Variants in PLCG2 observed in about 807,000 individuals in gnomAD.
The protein encoded by PLCG2 is phospholipase C gamma 2, also known as 1-phosphatidylinositol 4,5-bisphosphate phosphodiesterase gamma-2.
In PLCG2, 69 loss-of-function variants were observed where a neutral mutation model predicts 175.6. That is an observed-to-expected ratio of 0.39 (90% CI 0.32 to 0.48). The LOEUF (loss-of-function observed/expected upper bound fraction) is 0.48, where lower values mean the gene tolerates loss of function less well. Among genes scored for constraint, PLCG2 ranks in the 20% least tolerant of loss-of-function variants. The probability of loss-of-function intolerance (pLI) is 0.91; values close to 1 mark genes in which losing one functional copy is unlikely to be tolerated. For synonymous variants in PLCG2, 827 were observed against 624.0 expected, an observed-to-expected ratio of 1.33 and a Z score of -4.85; for missense variants, 1,798 against 1,650.9, an observed-to-expected ratio of 1.09 and a Z score of -1.54.
intron 2 of PLCG2, among the ~76,000 whole-genome samples, chr16:81,837,822 A>G (rs910518382): frequency 1.3e-5 from 2 of 152,138 alleles, no homozygotes; most frequent in African/African-American, 4.8e-5. Context: ...ATTATCCCCA[A>G]TGGTAATATC....
chr16:81,958,113 A>C lies in PLCG2; in HGVS notation c.*115A>C. The C allele has an allele frequency of 1.3e-6, 1 of 757,494 alleles. No homozygotes were observed. Among genetic ancestry groups the C allele is most frequent in the Non-Finnish European group, 2.4e-6 (1 of 424,600 alleles). The allele number at this position is 757,494 out of a possible 1,614,324, so 46.9% of individuals were successfully genotyped here. A position where few individuals can be genotyped will look rare whatever the true frequency, so the allele number is the denominator to read the frequency against. ...GCTAATCTGTGACATCTTTTCTTCAAGCCTGCCATCAAGGACATTTCTTAA... is the reference window on the plus strand; with the variant it reads ...GCTAATCTGTGACATCTTTTCTTCACGCCTGCCATCAAGGACATTTCTTAA... On this transcript the variant is annotated 3_prime_UTR_variant, in exon 33 of 33. Coordinates refer to ENST00000564138, the MANE Select transcript of PLCG2 (RefSeq NM_002661.5).
Position 81,865,162 on chromosome 16 carries a change from C to T in PLCG2, c.480-4052C>T, listed in dbSNP as rs1907167304. 2.0e-5 allele frequency among the ~76,000 whole-genome samples: 3 copies of T among 152,272 alleles called. No individual in the cohort carries two copies. The South Asian group carries it at 6.2e-4, about 32-fold the overall frequency. On this transcript the variant is annotated intron_variant, in intron 5 of 32. Coordinates refer to ENST00000564138, the MANE Select transcript of PLCG2 (RefSeq NM_002661.5). ...GCTGTCCTGAATTGAGACTAGAGGG[C>T]CAGGCCTTTGTTCCCTTGCGTGGAC...
intron 25 of PLCG2, among the ~76,000 whole-genome samples, chr16:81,933,813 G>A (rs768135978): frequency 1.6e-4 from 25 of 152,200 alleles, no homozygotes; most frequent in Non-Finnish European, 3.7e-4. Flanking sequence ...AGGCCCAACA[G>A]GGTTGCCTGC....
In PLCG2 at chr16:81,818,127, G is replaced by A. The variant is rs115315772; in HGVS notation, c.193+31945G>A. 3.4e-3 allele frequency among the ~76,000 whole-genome samples: 516 copies of A among 152,274 alleles called. 4 individuals are homozygous for A. The highest frequency in any genetic ancestry group is 0.012 in the African/African-American group (483 of 41,564). On this transcript the variant is annotated intron_variant, in intron 2 of 32. Transcript: ENST00000564138. The stretch of plus-strand genomic sequence containing the variant: ...ACAACACCTACTTTACAGGGCTCTC[G>A]TGAGTATTCAGCCAGCTAGTGTGTT...
intron 24 of PLCG2, 22 bp downstream of exon 24, chr16:81,928,646 G>T: frequency 6.4e-7 from 1 of 1,553,444 alleles, no homozygotes. Context: ...CATCATCTTA[G>T]CCTGGATTTC....
chr16:81,957,875 A>C (rs761747151), intron 32 of PLCG2, 81 bp from the exon 33 acceptor site: 2 of 1,257,486 alleles, frequency 1.6e-6, no homozygotes, highest in East Asian at 4.6e-5. Flanking sequence ...GCAAATGTAC[A>C]GAAAGAGAAA....
intron 2 of PLCG2, among the ~76,000 whole-genome samples, chr16:81,814,286 C>T (rs916742545): frequency 6.6e-6 from 1 of 152,148 alleles, no homozygotes; most frequent in Admixed American, 6.6e-5. Context: ...AGGGGACCTG[C>T]CTGTTTTAGC....
At chr16:81,815,674 A>T (rs1904511623) in intron 2 of PLCG2, among the ~76,000 whole-genome samples, 1 of 151,708 alleles carries the variant, frequency 6.6e-6, no homozygotes, top group African/African-American at 2.4e-5. Flanking sequence ...ATCCTGCCTG[A>T]TTTTTTCCAG....
intron 2 of PLCG2, among the ~76,000 whole-genome samples, chr16:81,833,803 C>T (rs549811753): frequency 6.6e-6 from 1 of 152,256 alleles, no homozygotes; most frequent in South Asian, 2.1e-4. Flanking sequence ...CTGCCTTGGC[C>T]TCCCAAAGTG....
intron 31 of PLCG2, among the ~76,000 whole-genome samples, chr16:81,950,607 T>C (rs1482893670): frequency 6.6e-6 from 1 of 152,208 alleles, no homozygotes; most frequent in African/African-American, 2.4e-5. Context: ...ATAAATTTGA[T>C]TGCATTCGTT....
upstream of PLCG2, among the ~76,000 whole-genome samples, chr16:81,777,697 T>C (rs1910457935): frequency 6.6e-6 from 1 of 151,974 alleles, no homozygotes; most frequent in South Asian, 2.1e-4. Flanking sequence ...ACATTGACAG[T>C]GAGAGTGATA....
At chr16:81,751,056 C>T (rs1015611315) in intron 1 of PLCG2, among the ~76,000 whole-genome samples, 1 of 138,528 alleles carries the variant, frequency 7.2e-6, no homozygotes, top group Admixed American at 7.8e-5. Context: ...TCTTGGCTCA[C>T]TACAACCTCC....
intron 1 of PLCG2, among the ~76,000 whole-genome samples, chr16:81,782,814 T>C (rs1215318174): frequency 6.6e-6 from 1 of 152,134 alleles, no homozygotes; most frequent in Non-Finnish European, 1.5e-5. Context: ...CTCCAACAGT[T>C]GAATGGACAT....
chr16:81,741,037 C>T lies in PLCG2; in HGVS notation c.-145+1652C>T, dbSNP rs148989520. ...TGTGCCCCATAGAGCAAGAGGGGTT[C>T]CCCCAAGGCAGTCCCCTTCCTCCAT... is the stretch of plus-strand genomic sequence containing the variant. On this transcript the variant is annotated intron_variant, in intron 1 of 5. Coordinates refer to the PLCG2 transcript ENST00000565054. Among the ~76,000 whole-genome samples, 590 of 152,268 alleles carry T rather than the reference C, an allele frequency of 3.9e-3. 2 individuals carry two copies. The highest frequency in any genetic ancestry group is 0.01 in the Middle Eastern group (3 of 294).
In PLCG2 at chr16:81,936,304, A is replaced by T; in HGVS notation, c.2978A>T (p.Asp993Val). 6.2e-7 allele frequency: 1 copy of T among 1,614,098 alleles called. No homozygotes were observed. Residue 993 changes from aspartate (D) to valine (V), a missense_variant, in exon 27 of 33, where the codon GAC becomes GTC. Asp to Val is a radical substitution (Grantham distance 152, BLOSUM62 -3). Transcript: ENST00000564138. Reference sequence around the variant, plus strand: ...GTCTACCCAAAGGGACAAAGAGTTGACTCTTCAAACTACGACCCCTTCCGC... The same window carrying T: ...GTCTACCCAAAGGGACAAAGAGTTGTCTCTTCAAACTACGACCCCTTCCGC... The part of the protein sequence containing the change: ...TRVYPKGQRV[D>V]SSNYDPFRLW...
chr16:81,769,703 C>T (rs557138893), intron 2 of PLCG2, among the ~76,000 whole-genome samples: 7 of 150,664 alleles, frequency 4.6e-5, no homozygotes, highest in African/African-American at 1.7e-4. Context: ...GCCTGTAGTC[C>T]CAGCTACTTG....
chr16:81,830,620 A>T (rs957452762), intron 2 of PLCG2, among the ~76,000 whole-genome samples: 2 of 151,004 alleles, frequency 1.3e-5, no homozygotes, highest in African/African-American at 4.9e-5. Context: ...ACTGTGTCTT[A>T]AAAAACAACA....
chr16:81,764,704 A>C (rs946603441), intron 2 of PLCG2, among the ~76,000 whole-genome samples: 8 of 152,336 alleles, frequency 5.3e-5, no homozygotes, highest in African/African-American at 1.9e-4. Context: ...ATTTATGTCC[A>C]GCTGGAACCT....
chr16:81,859,664 A>T (rs768421580), intron 5 of PLCG2, among the ~76,000 whole-genome samples: 9 of 151,826 alleles, frequency 5.9e-5, no homozygotes, highest in Non-Finnish European at 1.2e-4. Context: ...CCTCCCAAGT[A>T]CCTAGGACTA....
Sources: allele counts gnomAD v4.1 joint callset (sites outside exome capture counted in the v4.1 genomes callset), GRCh38; gene constraint gnomAD v4.1.1; transcripts MANE v1.5; gene names NCBI Gene and HGNC (gene_info 2026-07-23, HGNC 2026-07-21).